Variants in GLYATL1 observed in about 807,000 individuals in gnomAD.
The protein encoded by GLYATL1 is glycine N-acyltransferase-like protein 1.
In GLYATL1, 15 loss-of-function variants were observed where a neutral mutation model predicts 20.0. The observed-to-expected ratio is 0.75, with a 90% CI of 0.50 to 1.15. GLYATL1 has a LOEUF of 1.15. Among genes scored for constraint, GLYATL1 ranks in the 50% most tolerant of loss-of-function variants. GLYATL1 has a pLI of 0.00. For synonymous variants in GLYATL1, 151 were observed against 131.5 expected (o/e 1.15, Z -1.01); for missense variants, 380 against 368.5 (o/e 1.03, Z -0.26).
chr11:58,935,173 A>T (rs768586587), upstream of GLYATL1: 61 of 152,630 alleles, frequency 4.0e-4, no homozygotes, highest in Non-Finnish European at 6.6e-4. Context: ...TAGACCTGGC[A>T]TGAGGATATA....
At chr11:58,947,790 C>G in intron 3 of GLYATL1, 68 bp from the exon 4 acceptor site, 1 of 1,069,804 alleles carries the variant, frequency 9.3e-7, no homozygotes, top group Non-Finnish European at 1.5e-6. Context: ...TTTTCTCTTC[C>G]TCTTCACAAC....
chr11:58,944,854 A>G (rs2135203709), intron 2 of GLYATL1, among the ~76,000 whole-genome samples: 1 of 152,054 alleles, frequency 6.6e-6, no homozygotes, highest in Non-Finnish European at 1.5e-5. Flanking sequence ...TAGTTAAGGA[A>G]TGAAATTCTG....
At chr11:58,925,893 C>T (rs998721620), upstream of GLYATL1, among the ~76,000 whole-genome samples, 3 of 152,080 alleles carry the variant, frequency 2.0e-5, no homozygotes, top group African/African-American at 7.2e-5. Flanking sequence ...GAATATTCCA[C>T]GTGTGATAAA....
At chr11:58,943,438 C>T in intron 1 of GLYATL1, 105 bp from the exon 2 acceptor site, 3 of 1,526,888 alleles carry the variant, frequency 2.0e-6, no homozygotes, top group Non-Finnish European at 2.6e-6. Flanking sequence ...CCCCCGGAGC[C>T]TCGGTGAATC....
chr11:58,945,899 G>T (rs1856537880), intron 2 of GLYATL1, among the ~76,000 whole-genome samples: 1 of 152,142 alleles, frequency 6.6e-6, no homozygotes, highest in African/African-American at 2.4e-5. Context: ...TCTAGCTACA[G>T]AACATAGTTT....
upstream of GLYATL1, among the ~76,000 whole-genome samples, chr11:58,925,377 C>A (rs924581953): frequency 6.6e-6 from 1 of 152,196 alleles, no homozygotes; most frequent in African/African-American, 2.4e-5. Flanking sequence ...CCTTTTATAA[C>A]ATTCTTCACG....
chr11:58,931,774 T>C (rs1413059135), intron 1 of GLYATL1, among the ~76,000 whole-genome samples: 1 of 152,178 alleles, frequency 6.6e-6, no homozygotes, highest in Non-Finnish European at 1.5e-5. Flanking sequence ...TTAACACGTA[T>C]GATGAATAAG....
At chr11:58,953,789 T>A (rs1360404935) in intron 4 of GLYATL1, among the ~76,000 whole-genome samples, 1 of 152,220 alleles carries the variant, frequency 6.6e-6, no homozygotes, top group African/African-American at 2.4e-5. Context: ...TTTAAATTAA[T>A]TACACTATTT....
upstream of GLYATL1, among the ~76,000 whole-genome samples, chr11:58,924,941 C>T (rs1010302218): frequency 6.6e-6 from 1 of 152,218 alleles, no homozygotes; most frequent in African/African-American, 2.4e-5. Flanking sequence ...AGGTAATAGG[C>T]AAAGTGAGAG....
At chr11:58,947,202 G>C in intron 3 of GLYATL1, 37 bp downstream of exon 3, 1 of 1,598,064 alleles carries the variant, frequency 6.3e-7, no homozygotes, top group South Asian at 1.1e-5. Flanking sequence ...ATGGGAGTAG[G>C]GGTGTTGAGG....
At chr11:58,948,849 A>T (rs1394523775) in intron 4 of GLYATL1, among the ~76,000 whole-genome samples, 1 of 152,218 alleles carries the variant, frequency 6.6e-6, no homozygotes, top group Admixed American at 6.5e-5. Context: ...TGGATTCCTG[A>T]TGTTAAAGCA....
chr11:58,940,091 C>T (rs1339992549), intron 1 of GLYATL1, among the ~76,000 whole-genome samples: 3 of 152,134 alleles, frequency 2.0e-5, no homozygotes, highest in African/African-American at 4.8e-5. Context: ...TGTTTGACCC[C>T]AGTATAGTTT....
chr11:58,932,142 CATTT>C (rs1256352234), intron 1 of GLYATL1, among the ~76,000 whole-genome samples: 1 of 101,938 alleles, frequency 9.8e-6, no homozygotes, highest in African/African-American at 3.6e-5. Context: ...AAGACATAAA[CATTT>C]TAGAGCCTGA....
chr11:58,939,855 T>C (rs947632012), intron 1 of GLYATL1, among the ~76,000 whole-genome samples: 2 of 152,082 alleles, frequency 1.3e-5, no homozygotes, highest in African/African-American at 2.4e-5. Context: ...GGGTACTAGA[T>C]AGTGGGATCA....
Position 58,955,875 on chromosome 11 carries a change from A to T in GLYATL1, c.757A>T (p.Lys253Ter). 6.2e-7 allele frequency: 1 copy of T among 1,614,194 alleles called. No individual in the cohort carries two copies. Among genetic ancestry groups the T allele is most frequent in the Non-Finnish European group, 8.5e-7 (1 of 1,180,042 alleles). Residue 253 changes from lysine (K) to a stop codon, truncating the protein, a stop_gained, in exon 7 of 7, where the codon AAA becomes TAA. Coordinates refer to ENST00000532726, the MANE Select transcript of GLYATL1 (RefSeq NM_001389712.2). LOFTEE classifies it low-confidence loss of function (END_TRUNC). ...GGCACGAGTGATGGTGCGATACATG[A>T]AATATCTGCGTCAGAAGAATATTCC... is the stretch of plus-strand genomic sequence containing the variant. ...NMARVMVRYM[K>*]YLRQKNIPFY...
Position 58,947,959 on chromosome 11 carries a change from A to G in GLYATL1, c.180A>G (p.Gln60=). The G allele has an allele frequency of 6.2e-7, 1 of 1,612,012 alleles. No individual in the cohort carries two copies. The highest frequency in any genetic ancestry group is 1.1e-5 in the South Asian group (1 of 91,046). ...ATCAGATGGTTATTATCCGGCCTCA[A>G]AAGCAGGTAGGCACACAGACAGGGA... ...PEYQMVIIRP[Q]KQEMTDDMDS... is the part of the protein sequence containing the mutation. The change falls in exon 4 of 7, where the codon CAA becomes CAG. Residue 60 remains glutamine, a synonymous_variant. Coordinates refer to ENST00000532726, the MANE Select transcript of GLYATL1 (RefSeq NM_001389712.2).
intron 1 of GLYATL1, chr11:58,928,507 T>G (rs1198371441): frequency 6.6e-6 from 1 of 152,176 alleles, no homozygotes. Flanking sequence ...CTCACACAGC[T>G]CTCCTCACAT....
At chr11:58,922,543 C>T (rs1855334103) in intron 1 of GLYATL1, among the ~76,000 whole-genome samples, 2 of 152,162 alleles carry the variant, frequency 1.3e-5, no homozygotes, top group South Asian at 2.1e-4. Context: ...CCTGAAGCTC[C>T]AATTCCTCCC....
Position 58,947,817 on chromosome 11 carries a change from G to A in GLYATL1, c.79-41G>A, listed in dbSNP as rs781020343. On this transcript the variant is annotated intron_variant, in intron 3 of 6. Coordinates refer to ENST00000532726, the MANE Select transcript of GLYATL1 (RefSeq NM_001389712.2). ...CTTCACAACCAGATCCTCATCTCTG[G>A]GGATCTCAACCTCTCCTGGTCCCTT... The A allele has an allele frequency of 2.3e-6, 3 of 1,317,508 alleles. No individual in the cohort carries two copies. In the Admixed American group the frequency reaches 5.0e-5, roughly 22 times the overall value. The allele number at this position is 1,317,508 out of a possible 1,614,324, so 81.6% of individuals were successfully genotyped here.
Sources: allele counts gnomAD v4.1 joint callset (sites outside exome capture counted in the v4.1 genomes callset), GRCh38; gene constraint gnomAD v4.1.1; transcripts MANE v1.5; gene names NCBI Gene and HGNC (gene_info 2026-07-23, HGNC 2026-07-21).